PIK3R5: variants seen among roughly 807,000 people sequenced by gnomAD.
PIK3R5 encodes the protein phosphoinositide 3-kinase regulatory subunit 5.
A neutral mutation model predicts 94.9 loss-of-function variants in PIK3R5; 32 were observed. That is an observed-to-expected ratio of 0.34 (90% confidence interval 0.25 to 0.45). The LOEUF (loss-of-function observed/expected upper bound fraction) is 0.45. Among genes scored for constraint, PIK3R5 ranks in the 20% least tolerant of loss-of-function variants. PIK3R5 has a pLI of 1.00. For missense variants in PIK3R5, 853 were observed against 1,144.6 expected (o/e 0.75, Z 3.68); for synonymous variants, 443 against 479.4 (o/e 0.92, Z 0.99).
chr17:8,942,092 G>A (rs561718085), intron 1 of PIK3R5, among the ~76,000 whole-genome samples: 1 of 152,198 alleles, frequency 6.6e-6, no homozygotes, highest in East Asian at 1.9e-4. Context: ...TCCTCACAAC[G>A]GGGCCCTCAT....
Position 8,943,432 on chromosome 17 carries a change from A to G in PIK3R5, c.-14+22164T>C, listed in dbSNP as rs1169145896. Among the ~76,000 whole-genome samples, 4 of 151,628 alleles carry G rather than the reference A, an allele frequency of 2.6e-5. No homozygotes were observed. In the East Asian group the frequency reaches 7.9e-4, roughly 30 times the overall value. ...TATTAAACATGAGAAGATATTAGCA[A>G]TTTCGTGGGGTTCAATCTAATACTT... On this transcript the variant is annotated intron_variant, in intron 1 of 18. Transcript: ENST00000447110.
At position 8,889,805 on chromosome 17, in the gene PIK3R5, C is replaced by T. The variant is rs990579144; in HGVS notation, c.811+168G>A. On this transcript the variant is annotated intron_variant, in intron 8 of 18. Coordinates refer to ENST00000447110, the MANE Select transcript of PIK3R5 (RefSeq NM_001142633.3). This position sits in a 1 kb window ranked among gnomAD's most constrained non-coding sequence, Gnocchi z 4.1. Reference sequence around the variant, plus strand: ...AGCACCCCCACCCTGCCCCTATAGACAGGAATGAGACACCCTAGGGGATGG... The same window carrying T: ...AGCACCCCCACCCTGCCCCTATAGATAGGAATGAGACACCCTAGGGGATGG... Among the ~76,000 whole-genome samples, 3 of 152,092 alleles carry T rather than the reference C, an allele frequency of 2.0e-5. No individual in the cohort carries two copies. The highest frequency in any genetic ancestry group is 7.2e-5 in the African/African-American group (3 of 41,390).
intron 1 of PIK3R5, among the ~76,000 whole-genome samples, chr17:8,926,631 C>T (rs1169150937): frequency 6.6e-6 from 1 of 152,136 alleles, no homozygotes; most frequent in African/African-American, 2.4e-5. Context: ...GACTTATTCA[C>T]TACCACAAGA....
At chr17:8,883,067 A>G (rs1223743982) in intron 15 of PIK3R5, among the ~76,000 whole-genome samples, 1 of 152,228 alleles carries the variant, frequency 6.6e-6, no homozygotes, top group Non-Finnish European at 1.5e-5. Flanking sequence ...TCTTAGGACT[A>G]GGATAAAATT....
At chr17:8,919,921 G>A (rs1306030812) in intron 1 of PIK3R5, among the ~76,000 whole-genome samples, 6 of 114,280 alleles carry the variant, frequency 5.3e-5, no homozygotes, top group South Asian at 5.4e-4. Context: ...ACGGAGTCTC[G>A]CTCTTTTGCC....
At chr17:8,899,766 G>A (rs559155436) in intron 5 of PIK3R5, among the ~76,000 whole-genome samples, 65 of 152,308 alleles carry the variant, frequency 4.3e-4, no homozygotes, top group Non-Finnish European at 6.5e-4. Context: ...AAGGCTGGGC[G>A]CGGTGGCTCA....
rs755216213 is a variant in PIK3R5, at chr17:8,881,881, C to T, written c.2206G>A (p.Gly736Arg). ...PLTLQIIYSK[G>R]AISGRSRWSN... Reference sequence around the variant, plus strand: ...CAGCGACTTCGTCCACTGATGGCCCCCTGGAAATGCAGTGTAGCCAGACCC... The same window carrying T: ...CAGCGACTTCGTCCACTGATGGCCCTCTGGAAATGCAGTGTAGCCAGACCC... Residue 736 changes from glycine (G) to arginine (R), a missense_variant and splice_region_variant, in exon 16 of 19, where the codon GGG becomes AGG. Physicochemically the swap from Gly to Arg is moderately radical, Grantham distance 125. Coordinates refer to ENST00000447110, the MANE Select transcript of PIK3R5 (RefSeq NM_001142633.3). The surrounding 1 kb of genome is among the most constrained non-coding windows in gnomAD (Gnocchi z 4.8). 1 of 1,611,958 alleles carries T rather than the reference C, an allele frequency of 6.2e-7. No individual in the cohort carries two copies. The highest frequency in any genetic ancestry group is 8.5e-7 in the Non-Finnish European group (1 of 1,178,668).
chr17:8,892,888 G>C lies in PIK3R5; in HGVS notation c.482+698C>G, dbSNP rs1265580444. The stretch of plus-strand genomic sequence containing the variant: ...ACCCAACTCTTCAAGGCCTGCAGAG[G>C]GTCCTCCTAATGGGCACCCCCTCTC... On this transcript the variant is annotated intron_variant, in intron 6 of 18. Transcript: ENST00000447110. The surrounding 1 kb of genome is among the most constrained non-coding windows in gnomAD (Gnocchi z 4.3). 6.6e-6 allele frequency among the ~76,000 whole-genome samples: 1 copy of C among 152,110 alleles called. No homozygotes were observed. Among genetic ancestry groups the C allele is most frequent in the Non-Finnish European group, 1.5e-5 (1 of 68,008 alleles).
chr17:8,895,117 C>T (rs1255679173), intron 5 of PIK3R5, among the ~76,000 whole-genome samples: 2 of 152,166 alleles, frequency 1.3e-5, no homozygotes, highest in Non-Finnish European at 2.9e-5. Context: ...GGACTTGGGA[C>T]ACCATCTGGT....
At position 8,879,105 on chromosome 17, in the gene PIK3R5, G is replaced by T. The variant is rs932315314; in HGVS notation, c.*1534C>A. 5 of 152,184 alleles carry T rather than the reference G, an allele frequency of 3.3e-5. No individual in the cohort carries two copies. Among genetic ancestry groups the T allele is most frequent in the Non-Finnish European group, 7.4e-5 (5 of 68,026 alleles). 9.4% of individuals were successfully genotyped at this position (152,184 alleles called of 1,614,324 possible). On this transcript the variant is annotated 3_prime_UTR_variant, in exon 19 of 19. Transcript: ENST00000447110. This position sits in a 1 kb window ranked among gnomAD's most constrained non-coding sequence, Gnocchi z 4.4. ...GACAGGGGAGAGACGGCCAGGCAAG[G>T]TAGAAGCTGGCTCTGTCCACGTCTC...
chr17:8,948,067 G>GAA (rs2091309592), intron 1 of PIK3R5, among the ~76,000 whole-genome samples: 1 of 101,734 alleles, frequency 9.8e-6, no homozygotes, highest in African/African-American at 3.6e-5. Flanking sequence ...AAAAAAAAAA[G>GAA]AAAAGAAAAG....
In PIK3R5 at chr17:8,888,051, A is replaced by T; in HGVS notation, c.1616+120T>A. On this transcript the variant is annotated intron_variant, in intron 10 of 18. Coordinates refer to ENST00000447110, the MANE Select transcript of PIK3R5 (RefSeq NM_001142633.3). The surrounding 1 kb of genome is among the most constrained non-coding windows in gnomAD (Gnocchi z 7.8). The stretch of plus-strand genomic sequence containing the variant: ...TAATAATAATAATAATAATAATAAA[A>T]TAAAAATAAATAAGGGAACTTTTGG... 1 of 368,408 alleles carries T rather than the reference A, an allele frequency of 2.7e-6. No individual in the cohort carries two copies. Among genetic ancestry groups the T allele is most frequent in the East Asian group, 4.9e-5 (1 of 20,380 alleles). The allele number at this position is 368,408 out of a possible 1,614,324, so 22.8% of individuals were successfully genotyped here.
chr17:8,885,436 G>A (rs1242411269), intron 14 of PIK3R5, among the ~76,000 whole-genome samples: 21 of 103,052 alleles, frequency 2.0e-4, no homozygotes, highest in East Asian at 5.6e-4. Context: ...CCATGGCCTC[G>A]CCTCCTGGGT....
chr17:8,893,443 C>G lies in PIK3R5; in HGVS notation c.482+143G>C, dbSNP rs1597381304. 3.0e-6 allele frequency: 2 copies of G among 673,456 alleles called. No individual in the cohort carries two copies. Among genetic ancestry groups the G allele is most frequent in the East Asian group, 5.3e-5 (2 of 37,978 alleles). 41.7% of individuals were successfully genotyped at this position (673,456 alleles called of 1,614,324 possible). A position where few individuals can be genotyped will look rare whatever the true frequency, so the allele number is the denominator to read the frequency against. ...AGCAGTGCCAGGGGGTTCCCAGTTC[C>G]CTGGAAGCCTGTTTGTTGCTGGCTG... is the stretch of plus-strand genomic sequence containing the variant. On this transcript the variant is annotated intron_variant, in intron 6 of 18. Transcript: ENST00000447110. The surrounding 1 kb of genome is among the most constrained non-coding windows in gnomAD (Gnocchi z 5.1).
At position 8,881,794 on chromosome 17, in the gene PIK3R5, C is replaced by T. The variant is rs1321306058; in HGVS notation, c.2293G>A (p.Glu765Lys). The change falls in exon 16 of 19, where the codon GAG becomes AAG. Residue 765 changes from glutamate to lysine, a missense_variant. Glu to Lys is a moderately conservative substitution (Grantham distance 56). Coordinates refer to ENST00000447110, the MANE Select transcript of PIK3R5 (RefSeq NM_001142633.3). This position sits in a 1 kb window ranked among gnomAD's most constrained non-coding sequence, Gnocchi z 4.8. ...CACTGACCACCCCACTCACCCAGCT[C>T]CTCCTGCTTCCGGCAGGCCTTGTTG... is the stretch of plus-strand genomic sequence containing the variant. ...NLNKACRKQE[E>K]LDSSMEALTL... 1.2e-6 allele frequency: 2 copies of T among 1,614,122 alleles called. No individual in the cohort carries two copies. Among genetic ancestry groups the T allele is most frequent in the Non-Finnish European group, 1.7e-6 (2 of 1,179,964 alleles).
chr17:8,933,065 G>A (rs541999218), intron 1 of PIK3R5, among the ~76,000 whole-genome samples: 1 of 152,132 alleles, frequency 6.6e-6, no homozygotes, highest in East Asian at 1.9e-4. Flanking sequence ...ACACAAACTA[G>A]GATAGAGTGA....
intron 1 of PIK3R5, among the ~76,000 whole-genome samples, chr17:8,948,181 C>T (rs368207794): frequency 2.0e-5 from 3 of 151,888 alleles, no homozygotes; most frequent in South Asian, 2.1e-4. Flanking sequence ...CAGTGGCCGA[C>T]GCATGAGAGA....
intron 1 of PIK3R5, among the ~76,000 whole-genome samples, chr17:8,952,527 A>T (rs1022050480): frequency 6.6e-6 from 1 of 152,182 alleles, no homozygotes; most frequent in Non-Finnish European, 1.5e-5. Context: ...GTCCTACTCT[A>T]GGGAGAGCAG....
rs61761108 is a variant in PIK3R5, at chr17:8,886,199, A to C, written c.2128+30T>G. Reference sequence around the variant, plus strand: ...CGTTTCGCGTCCCAGGCCCCGCCTCACCGTCTGTCTCTGCTCAGGCAGTAC... The same window carrying C: ...CGTTTCGCGTCCCAGGCCCCGCCTCCCCGTCTGTCTCTGCTCAGGCAGTAC... On this transcript the variant is annotated intron_variant, in intron 14 of 18. Coordinates refer to ENST00000447110, the MANE Select transcript of PIK3R5 (RefSeq NM_001142633.3). 5.6e-3 allele frequency: 8,775 copies of C among 1,558,638 alleles called. 411 individuals are homozygous for C. The African/African-American group carries it at 0.099, about 18-fold the overall frequency.
Sources: gnomAD v4.1 joint callset for allele counts (sites outside exome capture counted in the v4.1 genomes callset) on GRCh38, gnomAD v4.1.1 for gene constraint, Gnocchi (gnomAD v3.1) non-coding constraint, MANE v1.5 for transcripts, NCBI Gene and HGNC (gene_info 2026-07-23, HGNC 2026-07-21) for gene names.